The following CLSPN variants were observed in gnomAD, a reference collection of about 807,000 sequenced individuals.
CLSPN encodes the protein claspin homolog.
A neutral mutation model predicts 156.3 loss-of-function variants in CLSPN; 85 were observed. That is an observed-to-expected ratio of 0.54 (90% CI 0.46 to 0.65). The LOEUF is 0.65. CLSPN is among the 30% of genes least tolerant of loss of function. The pLI, the probability that CLSPN is intolerant of heterozygous loss-of-function variation, is 0.00. For synonymous variants in CLSPN, 534 were observed against 542.4 expected, an observed-to-expected ratio of 0.98 and a Z score of 0.22; for missense variants, 1,407 against 1,554.9, an observed-to-expected ratio of 0.90 and a Z score of 1.60.
chr1:35,752,438 C>T (rs1258269160), intron 9 of CLSPN, among the ~76,000 whole-genome samples: 2 of 152,046 alleles, frequency 1.3e-5, no homozygotes, highest in African/African-American at 4.8e-5. Context: ...ATTAGCCAGG[C>T]ATGGTGGCAG....
chr1:35,747,306 A>G (rs1641925061), intron 14 of CLSPN, among the ~76,000 whole-genome samples: 1 of 152,102 alleles, frequency 6.6e-6, no homozygotes, highest in Admixed American at 6.5e-5. Context: ...TGGGCGACAG[A>G]GCAAGACTCT....
At chr1:35,766,365 A>T (rs1642674802) in intron 1 of CLSPN, among the ~76,000 whole-genome samples, 1 of 152,090 alleles carries the variant, frequency 6.6e-6, no homozygotes, top group Non-Finnish European at 1.5e-5. Context: ...AAGTTAACAC[A>T]TAAGTGAATG....
At position 35,760,417 on chromosome 1, in the gene CLSPN, C is replaced by T. The variant is rs2148625103; in HGVS notation, c.1504G>A (p.Val502Ile). 6.2e-7 allele frequency: 1 copy of T among 1,614,226 alleles called. No homozygotes were observed. Among genetic ancestry groups the T allele is most frequent in the Non-Finnish European group, 8.5e-7 (1 of 1,180,024 alleles). Residue 502 changes from valine (V) to isoleucine (I), a missense_variant, in exon 8 of 25, where the codon GTA (valine) becomes ATA (isoleucine). By Grantham distance (29) the Val-to-Ile change is conservative. Around this residue, in one of 3 missense-constraint regions of CLSPN, gnomAD observed 1,096 missense variants for 1,193.0 expected, o/e 0.92. Transcript: ENST00000318121. ...FTLDRLKQLG[V>I]DVSIKPRLGA... is the part of the protein sequence containing the mutation. ...AGCCGTGGTTTAATGGAAACATCTA[C>T]TCCCAGTTGCTTAAGTCTATCCAGA...
At chr1:35,768,004 T>C (rs1471385181) in intron 1 of CLSPN, among the ~76,000 whole-genome samples, 5 of 152,140 alleles carry the variant, frequency 3.3e-5, no homozygotes, top group Admixed American at 6.6e-5. Flanking sequence ...AATCAACTTA[T>C]TAATAAAGGG....
At chr1:35,721,666 GT>G in intron 24 of CLSPN, among the ~76,000 whole-genome samples, 1 of 152,070 alleles carries the variant, frequency 6.6e-6, no homozygotes, top group East Asian at 1.9e-4. Flanking sequence ...GGGATTACAG[GT>G]GTGAGCCACT....
intron 18 of CLSPN, among the ~76,000 whole-genome samples, chr1:35,740,421 CT>C (rs11339039): frequency 0.093 from 13,154 of 142,138 alleles, 1,893 homozygotes; most frequent in East Asian, 0.69. Context: ...TGTATTTTCT[CT>C]TTTTTTTTTT....
chr1:35,742,001 A>AAAG (rs71062895), intron 18 of CLSPN, among the ~76,000 whole-genome samples: 2 of 144,940 alleles, frequency 1.4e-5, no homozygotes, highest in South Asian at 2.2e-4. Flanking sequence ...AAAAAAAAAA[A>AAAG]GCTGGGCCTG....
intron 24 of CLSPN, 54 bp downstream of exon 24, chr1:35,736,859 TA>T: frequency 6.4e-7 from 1 of 1,558,144 alleles, no homozygotes; most frequent in Non-Finnish European, 8.7e-7. Context: ...TAAATTTAAA[TA>T]AATGAATAAA....
At position 35,760,652 on chromosome 1, in the gene CLSPN, C is replaced by T. The variant is rs144651346; in HGVS notation, c.1269G>A (p.Gly423=). 6.2e-7 allele frequency: 1 copy of T among 1,614,044 alleles called. No homozygotes were observed. The highest frequency in any genetic ancestry group is 1.3e-5 in the African/African-American group (1 of 74,910). The change falls in exon 8 of 25, where the codon GGG becomes GGA. Residue 423 remains glycine (G), a synonymous_variant. Transcript: ENST00000318121. ...QKQSDIRPSP[G]DSSVLQQESN... ...ATTCCTGTTGCAACACTGAGCTGTCCCCAGGTGAAGGTCTAATGTCACTCT... is the reference window on the plus strand; with the variant it reads ...ATTCCTGTTGCAACACTGAGCTGTCTCCAGGTGAAGGTCTAATGTCACTCT...
At chr1:35,740,610 G>T (rs2148614484) in intron 18 of CLSPN, among the ~76,000 whole-genome samples, 2 of 151,980 alleles carry the variant, frequency 1.3e-5, no homozygotes, top group South Asian at 4.2e-4. Flanking sequence ...GTAGAGATAG[G>T]GTTTCACCAT....
intron 18 of CLSPN, among the ~76,000 whole-genome samples, chr1:35,739,883 G>T (rs1641634754): frequency 6.6e-6 from 1 of 152,158 alleles, no homozygotes; most frequent in South Asian, 2.1e-4. Flanking sequence ...TGTCTTGTGT[G>T]CTAATAACTG....
In CLSPN at chr1:35,723,738, TC is replaced by T. The variant is rs971573310; in HGVS notation, c.3910-2759del. On this transcript the variant is annotated intron_variant, in intron 24 of 24. Transcript: ENST00000251195. ...TGGTGTGTTGGCTCATGCCTGTAAT[TC>T]CAGCACTTTGGGAGGCCGAAGCGGA... 4.5e-4 allele frequency among the ~76,000 whole-genome samples: 69 copies of T among 152,230 alleles called. 2 individuals are homozygous for T. The Middle Eastern group carries it at 0.01, about 23-fold the overall frequency.
intron 8 of CLSPN, among the ~76,000 whole-genome samples, chr1:35,754,938 C>T (rs995632068): frequency 6.6e-6 from 1 of 152,208 alleles, no homozygotes; most frequent in African/African-American, 2.4e-5. Flanking sequence ...GAATTTCCTT[C>T]TCCCTCAGCT....
chr1:35,737,342 T>C lies in CLSPN; in HGVS notation c.3744A>G (p.Gln1248=). 6.2e-7 allele frequency: 1 copy of C among 1,613,634 alleles called. No homozygotes were observed. Among genetic ancestry groups the C allele is most frequent in the East Asian group, 2.2e-5 (1 of 44,880 alleles). Residue 1248 remains glutamine, a synonymous_variant, in exon 23 of 25, where the codon CAA becomes CAG. Coordinates refer to ENST00000318121, the MANE Select transcript of CLSPN (RefSeq NM_022111.4). ...ATTAACAAGGTTCCCAACCAACCTGTTGAGCACTTCCTGGTCTGATGGCTT... is the reference window on the plus strand; with the variant it reads ...ATTAACAAGGTTCCCAACCAACCTGCTGAGCACTTCCTGGTCTGATGGCTT... The part of the protein sequence containing the change: ...PFEAIRPGSA[Q]QVKTGSLLNQ...
chr1:35,762,583 T>G, intron 4 of CLSPN, 102 bp from the exon 5 acceptor site: 1 of 782,832 alleles, frequency 1.3e-6, no homozygotes. Context: ...TCATGCTACA[T>G]TAATAAATCA....
At chr1:35,752,610 A>G (rs554268904) in intron 9 of CLSPN, among the ~76,000 whole-genome samples, 1 of 151,666 alleles carries the variant, frequency 6.6e-6, no homozygotes, top group East Asian at 1.9e-4. Context: ...AAAAAGCCTC[A>G]AAAGCAATAT....
At chr1:35,768,095 C>T (rs375881822) in intron 1 of CLSPN, among the ~76,000 whole-genome samples, 2 of 152,138 alleles carry the variant, frequency 1.3e-5, no homozygotes, top group Non-Finnish European at 2.9e-5. Context: ...ATTGGTCAGG[C>T]ATGGTGGCTC....
At chr1:35,737,445 C>T in intron 22 of CLSPN, 24 bp from the exon 23 acceptor site, 2 of 1,573,880 alleles carry the variant, frequency 1.3e-6, no homozygotes, top group Non-Finnish European at 1.7e-6. Context: ...ACAGAGAGGC[C>T]TATTCTGGGA....
exon 25 of CLSPN, chr1:35,720,876 T>C: frequency 6.3e-7 from 1 of 1,596,922 alleles, no homozygotes; most frequent in South Asian, 1.1e-5. Flanking sequence ...CTCTTTGGAC[T>C]CTGTCTCTCC....
Sources: allele counts gnomAD v4.1 joint callset (sites outside exome capture counted in the v4.1 genomes callset), GRCh38; gene constraint gnomAD v4.1.1; regional missense constraint gnomAD v4.1.1; transcripts MANE v1.5; gene names NCBI Gene and HGNC (gene_info 2026-07-23, HGNC 2026-07-21).